The following NXPE2 variants were observed in gnomAD, a reference collection of about 807,000 sequenced individuals.
The protein encoded by NXPE2 is NXPE family member 2.
In NXPE2, 34 loss-of-function variants were observed where a neutral mutation model predicts 34.4. The observed-to-expected ratio is 0.99, with a 90% confidence interval of 0.75 to 1.31. NXPE2 has a LOEUF of 1.31. Ranked by LOEUF, NXPE2 falls within the 40% of genes most tolerant of loss-of-function variation. NXPE2 has a pLI of 0.00. For missense variants in NXPE2, 649 were observed against 672.5 expected, an observed-to-expected ratio of 0.97 and a Z score of 0.39; for synonymous variants, 235 against 231.3, an observed-to-expected ratio of 1.02 and a Z score of -0.15.
the NXPE2 span, among the ~76,000 whole-genome samples, chr11:114,736,324 G>A: frequency 1.6e-4 from 25 of 152,078 alleles, no homozygotes; most frequent in Non-Finnish European, 2.8e-4. Context: ...CTACAGGCTC[G>A]ATCATAGAAG....
the NXPE2 span, among the ~76,000 whole-genome samples, chr11:114,786,799 G>A: frequency 2.3e-4 from 34 of 147,122 alleles, no homozygotes; most frequent in African/African-American, 7.1e-4. Context: ...ACAGCCACAG[G>A]TGATCTGTGT....
chr11:114,778,644 C>G, the NXPE2 span, among the ~76,000 whole-genome samples: 1 of 152,058 alleles, frequency 6.6e-6, no homozygotes. Context: ...AGGCAAATGC[C>G]CAGGAGTCTC....
the NXPE2 span, chr11:114,517,773 G>A: frequency 6.6e-6 from 1 of 152,256 alleles, no homozygotes; most frequent in Non-Finnish European, 1.5e-5. Flanking sequence ...GGGAGAAGGA[G>A]GCTTGGTGGG....
chr11:114,466,950 G>GT, the NXPE2 span, among the ~76,000 whole-genome samples: 1 of 152,156 alleles, frequency 6.6e-6, no homozygotes, highest in Non-Finnish European at 1.5e-5. Context: ...TGCCAGTTCC[G>GT]TAAGTCCACA....
At chr11:114,525,551 T>C in the NXPE2 span, among the ~76,000 whole-genome samples, 1 of 152,092 alleles carries the variant, frequency 6.6e-6, no homozygotes, top group African/African-American at 2.4e-5. Context: ...CAAGTTTTTC[T>C]CATTCAGCTT....
chr11:114,546,583 T>C, the NXPE2 span, among the ~76,000 whole-genome samples: 2 of 151,780 alleles, frequency 1.3e-5, no homozygotes, highest in Non-Finnish European at 2.9e-5. Context: ...ATTACAGGCA[T>C]GGGGCACCAT....
the NXPE2 span, among the ~76,000 whole-genome samples, chr11:114,519,299 T>C: frequency 6.6e-6 from 1 of 152,220 alleles, no homozygotes; most frequent in Non-Finnish European, 1.5e-5. Context: ...CACTATCATA[T>C]GCTGTTCTCT....
the NXPE2 span, among the ~76,000 whole-genome samples, chr11:114,525,498 T>C: frequency 6.6e-6 from 1 of 152,236 alleles, no homozygotes; most frequent in Admixed American, 6.5e-5. Context: ...AGGGATGGGC[T>C]TCAGAGTCTC....
At chr11:114,588,976 G>T in the NXPE2 span, among the ~76,000 whole-genome samples, 1 of 152,110 alleles carries the variant, frequency 6.6e-6, no homozygotes, top group South Asian at 2.1e-4. Context: ...TTATAGTAGG[G>T]ACCAGGAGGA....
the NXPE2 span, among the ~76,000 whole-genome samples, chr11:114,494,310 C>T: frequency 6.6e-6 from 1 of 152,124 alleles, no homozygotes; most frequent in African/African-American, 2.4e-5. Context: ...CGTTATCCAC[C>T]TCCTCTTTAA....
the NXPE2 span, among the ~76,000 whole-genome samples, chr11:114,773,982 A>G: frequency 4.6e-5 from 7 of 152,194 alleles, no homozygotes; most frequent in Non-Finnish European, 8.8e-5. Context: ...CATGAGAGCT[A>G]ATTTCCTCAC....
the NXPE2 span, among the ~76,000 whole-genome samples, chr11:114,752,018 A>T: frequency 6.6e-6 from 1 of 152,200 alleles, no homozygotes; most frequent in African/African-American, 2.4e-5. Context: ...TGACATTTTG[A>T]CCTCTAGACT....
the NXPE2 span, among the ~76,000 whole-genome samples, chr11:114,590,701 G>A: frequency 4.9e-3 from 746 of 152,226 alleles, 6 homozygotes; most frequent in Middle Eastern, 0.017. Flanking sequence ...AACAACTAGT[G>A]GGCTACCTGA....
the NXPE2 span, among the ~76,000 whole-genome samples, chr11:114,645,475 A>T: frequency 6.6e-6 from 1 of 152,194 alleles, no homozygotes; most frequent in Non-Finnish European, 1.5e-5. Flanking sequence ...GATTTCTGAA[A>T]GACAAACAAA....
the NXPE2 span, among the ~76,000 whole-genome samples, chr11:114,717,504 C>T: frequency 3.9e-5 from 6 of 152,198 alleles, no homozygotes; most frequent in Admixed American, 2.0e-4. Flanking sequence ...GAAAGAACAT[C>T]ATCTGCAACT....
the NXPE2 span, among the ~76,000 whole-genome samples, chr11:114,664,477 G>T: frequency 2.6e-5 from 4 of 152,092 alleles, no homozygotes; most frequent in Non-Finnish European, 5.9e-5. Flanking sequence ...TTTACTTCAC[G>T]TAAATTGCAC....
At chr11:114,663,968 A>G in the NXPE2 span, among the ~76,000 whole-genome samples, 1 of 152,162 alleles carries the variant, frequency 6.6e-6, no homozygotes, top group South Asian at 2.1e-4. Context: ...TGGTGCAGAC[A>G]CTTCAAAACA....
chr11:114,703,277 G>A (rs748937086), intron 3 of NXPE2, among the ~76,000 whole-genome samples: 1 of 152,142 alleles, frequency 6.6e-6, no homozygotes, highest in African/African-American at 2.4e-5. Flanking sequence ...TTACATAGGG[G>A]AATAAAACAG....
the NXPE2 span, among the ~76,000 whole-genome samples, chr11:114,497,321 G>A: frequency 2.4e-4 from 37 of 152,288 alleles, no homozygotes; most frequent in Admixed American, 1.3e-3. Context: ...TACAGCAAGT[G>A]CAAATGTTTA....
Sources: allele counts gnomAD v4.1 joint callset (sites outside exome capture counted in the v4.1 genomes callset), GRCh38; gene constraint gnomAD v4.1.1; transcripts MANE v1.5; gene names NCBI Gene and HGNC (gene_info 2026-07-23, HGNC 2026-07-21).